The following MYPN variants were observed in gnomAD, a reference collection of about 807,000 sequenced individuals.
MYPN encodes sarcomeric protein myopalladin, 145 kDa (MYOP).
In MYPN, 63 loss-of-function variants were observed where a neutral mutation model predicts 129.4. The observed-to-expected ratio is 0.49, with a 90% CI of 0.40 to 0.60. The LOEUF (loss-of-function observed/expected upper bound fraction) is 0.60, where lower values mean the gene tolerates loss of function less well. Ranked by LOEUF, MYPN falls within the 20% of genes least tolerant of loss-of-function variation. The probability of loss-of-function intolerance (pLI) is 0.00; values close to 1 mark genes in which losing one functional copy is unlikely to be tolerated. For synonymous variants in MYPN, 629 were observed against 600.9 expected, an observed-to-expected ratio of 1.05 and a Z score of -0.68; for missense variants, 1,596 against 1,635.4, an observed-to-expected ratio of 0.98 and a Z score of 0.42.
rs181493599 is a variant in MYPN, at chr10:68,158,983, C to T, written c.1459+356C>T. On this transcript the variant is annotated intron_variant, in intron 7 of 19. Coordinates refer to ENST00000358913, the MANE Select transcript of MYPN (RefSeq NM_032578.4). ...TGGCACGATCTTGGCTCACTGCAAC[C>T]TCCACCTCCTCGGTTCAAGCGATTC... Among the ~76,000 whole-genome samples, 64 of 152,150 alleles carry T rather than the reference C, an allele frequency of 4.2e-4. 2 individuals are homozygous for T. In the East Asian group the frequency reaches 0.012, roughly 29 times the overall value.
chr10:68,165,804 A>G lies in MYPN; in HGVS notation c.1586A>G (p.Gln529Arg), dbSNP rs1158070956. 1.2e-6 allele frequency: 2 copies of G among 1,613,932 alleles called. No individual in the cohort carries two copies. The highest frequency in any genetic ancestry group is 1.7e-5 in the Admixed American group (1 of 60,036). The change falls in exon 9 of 20, where the codon CAG becomes CGG. Residue 529 changes from glutamine to arginine, a missense_variant. Physicochemically the swap from Gln to Arg is conservative, Grantham distance 43 (BLOSUM62 1). Transcript: ENST00000358913. ...NKYGTVSSIA[Q>R]LHVRGNEDLS... Reference sequence around the variant, plus strand: ...TACGGCACAGTGTCAAGCATTGCACAGCTGCACGTGAGAGGTAAGGACTCT... The same window carrying G: ...TACGGCACAGTGTCAAGCATTGCACGGCTGCACGTGAGAGGTAAGGACTCT...
chr10:68,206,818 C>G lies in MYPN; in HGVS notation c.3708C>G (p.Ala1236=). The change falls in exon 19 of 20, where the codon GCC becomes GCG. Residue 1236 remains alanine (A), a synonymous_variant. Coordinates refer to ENST00000358913, the MANE Select transcript of MYPN (RefSeq NM_032578.4). ...TGYACLLIQP[A]KKSDAGWYTL... is the part of the protein sequence containing the mutation. ...ATGCCTGCCTTCTCATTCAGCCAGC[C>G]AAGAAATCAGACGCTGGATGGTACA... 6.2e-7 allele frequency: 1 copy of G among 1,614,188 alleles called. No individual in the cohort carries two copies. The highest frequency in any genetic ancestry group is 1.1e-5 in the South Asian group (1 of 91,084).
chr10:68,092,631 G>A (rs913996691), intron 1 of MYPN, among the ~76,000 whole-genome samples: 6 of 152,118 alleles, frequency 3.9e-5, no homozygotes, highest in Admixed American at 2.0e-4. Flanking sequence ...TTCATGATAT[G>A]TTGATTTTCT....
chr10:68,110,088 T>A (rs1014403783), intron 1 of MYPN, among the ~76,000 whole-genome samples: 11 of 152,260 alleles, frequency 7.2e-5, no homozygotes, highest in Non-Finnish European at 5.9e-5. Flanking sequence ...TAAAGGAAGT[T>A]GAATCTAAAA....
chr10:68,188,365 C>T (rs992016083), intron 12 of MYPN, among the ~76,000 whole-genome samples: 1 of 151,612 alleles, frequency 6.6e-6, no homozygotes, highest in Non-Finnish European at 1.5e-5. Flanking sequence ...CTACCTCAGC[C>T]TCCCAAAGGG....
intron 8 of MYPN, chr10:68,165,339 C>A: frequency 2.5e-6 from 1 of 392,540 alleles, no homozygotes; most frequent in Non-Finnish European, 5.0e-6. Context: ...GTAGTCCCAG[C>A]TACTCGGGAG....
intron 1 of MYPN, among the ~76,000 whole-genome samples, chr10:68,111,729 T>C (rs2042084533): frequency 6.6e-6 from 1 of 152,198 alleles, no homozygotes; most frequent in Admixed American, 6.5e-5. Flanking sequence ...AGTTCATGTA[T>C]AACCAGAGTC....
rs750001158 is a variant in MYPN at position 68,189,018 on chromosome 10, G to A, written c.2817G>A (p.Thr939=). The A allele has an allele frequency of 2.9e-5, 47 of 1,614,010 alleles. No individual in the cohort carries two copies. Among genetic ancestry groups the A allele is most frequent in the Non-Finnish European group, 3.6e-5 (43 of 1,179,980 alleles). ...AAATTCAACATGATGAGATCCCCAC[G>A]GGCAAGTGTATTGCTCCCATCTTTG... ...DDEIQHDEIP[T]GKCIAPIFDK... The change falls in exon 13 of 20, where the codon ACG becomes ACA. Residue 939 remains threonine (T), a synonymous_variant. Transcript: ENST00000358913.
At chr10:68,092,642 A>G (rs942989650) in intron 1 of MYPN, among the ~76,000 whole-genome samples, 1 of 152,170 alleles carries the variant, frequency 6.6e-6, no homozygotes, top group African/African-American at 2.4e-5. Context: ...TTGATTTTCT[A>G]GTTAAATTTT....
At chr10:68,113,101 C>A (rs982255058) in intron 1 of MYPN, among the ~76,000 whole-genome samples, 1 of 152,122 alleles carries the variant, frequency 6.6e-6, no homozygotes, top group African/African-American at 2.4e-5. Flanking sequence ...AAAAAGCATT[C>A]TGGGCATATT....
rs2134200654 is a variant in MYPN at position 68,174,474 on chromosome 10, A to G, written c.2382A>G (p.Pro794=). 6.2e-7 allele frequency: 1 copy of G among 1,613,834 alleles called. No homozygotes were observed. Among genetic ancestry groups the G allele is most frequent in the Non-Finnish European group, 8.5e-7 (1 of 1,179,896 alleles). ...CACCAGGCCCAACAGAACCAACACC[A>G]CCACCATTCACATTTTCCATCCCCA... The part of the protein sequence containing the change: ...PLPPGPTEPT[P]PPFTFSIPSG... Residue 794 remains proline (P), a synonymous_variant, in exon 11 of 20, where the codon CCA becomes CCG. Coordinates refer to ENST00000358913, the MANE Select transcript of MYPN (RefSeq NM_032578.4).
intron 1 of MYPN, among the ~76,000 whole-genome samples, chr10:68,095,287 C>G (rs938846255): frequency 3.0e-4 from 45 of 149,360 alleles, no homozygotes; most frequent in African/African-American, 1.0e-3. Flanking sequence ...GAGGTCGAGG[C>G]TGTAGTAAGA....
At chr10:68,100,806 A>T (rs528956752) in intron 1 of MYPN, among the ~76,000 whole-genome samples, 37 of 152,292 alleles carry the variant, frequency 2.4e-4, no homozygotes, top group Middle Eastern at 3.4e-3. Context: ...CCAAATGCAC[A>T]TATAGTTCCT....
At chr10:68,148,192 T>C (rs765786708) in intron 4 of MYPN, among the ~76,000 whole-genome samples, 161 bp from the exon 5 acceptor site, 2 of 152,198 alleles carry the variant, frequency 1.3e-5, no homozygotes, top group Non-Finnish European at 2.9e-5. Flanking sequence ...TAACAAAATG[T>C]GTAGCAAAAA....
intron 2 of MYPN, among the ~76,000 whole-genome samples, chr10:68,141,493 TTAG>T (rs1477806856): frequency 6.6e-6 from 1 of 151,958 alleles, no homozygotes; most frequent in Non-Finnish European, 1.5e-5. Context: ...TTTTTGACAC[TTAG>T]TAGTTATTAT....
Position 68,211,070 on chromosome 10 carries a change from CA to C in MYPN, c.*620del, listed in dbSNP as rs1374821067. The C allele has an allele frequency of 2.2e-6, 1 of 453,960 alleles. No individual in the cohort carries two copies. The highest frequency in any genetic ancestry group is 4.4e-6 in the Non-Finnish European group (1 of 226,798). The allele number at this position is 453,960 out of a possible 1,614,324, so 28.1% of individuals were successfully genotyped here. ...AGGTGTCAAAATGTGCTTGAGATTCCAAAAACTTGCTGAAACACTTGATATT... is the reference window on the plus strand; with the variant it reads ...AGGTGTCAAAATGTGCTTGAGATTCCAAAACTTGCTGAAACACTTGATATT... On this transcript the variant is annotated 3_prime_UTR_variant, in exon 20 of 20. Transcript: ENST00000358913.
intron 7 of MYPN, among the ~76,000 whole-genome samples, chr10:68,160,986 G>A (rs1216371982): frequency 6.6e-6 from 1 of 152,200 alleles, no homozygotes; most frequent in Non-Finnish European, 1.5e-5. Flanking sequence ...AAACCTCAGA[G>A]CAGGAGGTAT....
intron 1 of MYPN, among the ~76,000 whole-genome samples, chr10:68,095,495 T>C (rs1326674507): frequency 6.6e-6 from 1 of 152,162 alleles, no homozygotes; most frequent in Non-Finnish European, 1.5e-5. Flanking sequence ...TCTCCCTGCC[T>C]CCCATCTGAA....
At chr10:68,134,439 A>T (rs1327308593) in intron 2 of MYPN, among the ~76,000 whole-genome samples, 1 of 152,238 alleles carries the variant, frequency 6.6e-6, no homozygotes, top group African/African-American at 2.4e-5. Context: ...AATGTTTAAA[A>T]AAACTATTTT....
Sources: gnomAD v4.1 joint callset for allele counts (sites outside exome capture counted in the v4.1 genomes callset) on GRCh38, gnomAD v4.1.1 for gene constraint, MANE v1.5 for transcripts, NCBI Gene and HGNC (gene_info 2026-07-23, HGNC 2026-07-21) for gene names.